Variants in GLI4 observed in about 807,000 individuals in gnomAD.
GLI4 encodes zinc finger protein GLI4.
A neutral mutation model predicts 30.9 loss-of-function variants in GLI4; 34 were observed. The observed-to-expected ratio is 1.10, with a 90% CI of 0.84 to 1.47. The LOEUF (loss-of-function observed/expected upper bound fraction) is 1.47. Among genes scored for constraint, GLI4 ranks in the 40% most tolerant of loss-of-function variants. GLI4 has a pLI of 0.00. For synonymous variants in GLI4, 277 were observed against 236.7 expected (o/e 1.17, Z -1.56); for missense variants, 696 against 538.9 (o/e 1.29, Z -2.89).
chr8:143,273,959 T>G (rs1188192916), intron 2 of GLI4, among the ~76,000 whole-genome samples: 1 of 151,868 alleles, frequency 6.6e-6, no homozygotes, highest in Non-Finnish European at 1.5e-5. Context: ...TGAGGAGAGC[T>G]GACCACTGGC....
At chr8:143,270,395 G>A (rs755505659) in intron 2 of GLI4, among the ~76,000 whole-genome samples, 58 of 152,226 alleles carry the variant, frequency 3.8e-4, no homozygotes, top group Non-Finnish European at 7.8e-4. Context: ...GAGGAGCAGG[G>A]AGCCAGGCAG....
chr8:143,276,356 AG>A lies in GLI4; in HGVS notation c.684del (p.Gln228HisfsTer189). 1 of 1,608,684 alleles carries A rather than the reference AG, an allele frequency of 6.2e-7. No homozygotes were observed. Among genetic ancestry groups the A allele is most frequent in the Non-Finnish European group, 8.5e-7 (1 of 1,178,426 alleles). ...TTCCGCGGCTGGTCGGGCTTCATCC[AG>A]CACCACCGCATCCACACGGGCGAGA... ...KRFRGWSGFI[Q>X]HHRIHTGEKP... On this transcript the variant is annotated frameshift_variant, in exon 4 of 4. Coordinates refer to ENST00000340042, the MANE Select transcript of GLI4 (RefSeq NM_138465.4). LOFTEE classifies it high-confidence loss of function.
intron 3 of GLI4, chr8:143,275,313 G>A (rs1401193195): frequency 1.4e-6 from 2 of 1,446,178 alleles, no homozygotes; most frequent in Middle Eastern, 1.8e-4. Context: ...ACAGTGCTGA[G>A]CCCTCGCCCA....
At position 143,276,068 on chromosome 8, in the gene GLI4, G is replaced by C; in HGVS notation, c.395G>C (p.Gly132Ala). 1 of 1,401,744 alleles carries C rather than the reference G, an allele frequency of 7.1e-7. No individual in the cohort carries two copies. Among genetic ancestry groups the C allele is most frequent in the South Asian group, 1.6e-5 (1 of 61,750 alleles). The allele number at this position is 1,401,744 out of a possible 1,614,324, so 86.8% of individuals were successfully genotyped here. ...GAGCGGCCGGCGGGCCAGCCGCCTG[G>C]GGCCGTCCCTTGCGCCCAGCCGCGG... is the stretch of plus-strand genomic sequence containing the variant. ...SAERPAGQPP[G>A]AVPCAQPRGA... Residue 132 changes from glycine to alanine, a missense_variant, in exon 4 of 4, where the codon GGG (glycine) becomes GCG (alanine). Transcript: ENST00000340042.
In GLI4 at chr8:143,276,132, CGGGCCCGAGGGTGCGCCCG is replaced by C. The variant is rs1815381272; in HGVS notation, c.460_478del (p.Gly154SerfsTer40). On this transcript the variant is annotated frameshift_variant, in exon 4 of 4. Coordinates refer to ENST00000340042, the MANE Select transcript of GLI4 (RefSeq NM_138465.4). LOFTEE classifies it high-confidence loss of function. The stretch of plus-strand genomic sequence containing the variant: ...TGACGCTCGTGCAGCAAGCAGCGGC[CGGGCCCGAGGGTGCGCCCG>C]AGCGGGCTGCCGAGCTGGGAGTCAA... The C allele has an allele frequency of 1.3e-6, 2 of 1,533,734 alleles. No homozygotes were observed. The highest frequency in any genetic ancestry group is 2.8e-5 in the African/African-American group (2 of 71,614).
intron 2 of GLI4, 74 bp downstream of exon 2, chr8:143,269,594 G>C (rs1815221159): frequency 4.7e-6 from 6 of 1,272,276 alleles, no homozygotes; most frequent in South Asian, 1.2e-5. Flanking sequence ...GTCTCCTCCT[G>C]ACCTGCCACG....
chr8:143,271,401 G>C (rs956201192), intron 2 of GLI4, among the ~76,000 whole-genome samples: 6 of 152,232 alleles, frequency 3.9e-5, no homozygotes, highest in African/African-American at 1.4e-4. Context: ...GCAATGGGCA[G>C]CTACTGTCCC....
At position 143,276,278 on chromosome 8, in the gene GLI4, A is replaced by G; in HGVS notation, c.605A>G (p.Gln202Arg). 6.2e-7 allele frequency: 1 copy of G among 1,612,268 alleles called. No homozygotes were observed. The highest frequency in any genetic ancestry group is 8.5e-7 in the Non-Finnish European group (1 of 1,179,634). Reference sequence around the variant, plus strand: ...TATAACTCGCTGCTCCTGAAGCACCAGCGCATCCACACGGGCGAGAAGCCC... The same window carrying G: ...TATAACTCGCTGCTCCTGAAGCACCGGCGCATCCACACGGGCGAGAAGCCC... Reference protein sequence around the residue: ...FKYNSLLLKHQRIHTGEKPYA... With the variant: ...FKYNSLLLKHRRIHTGEKPYA... The change falls in exon 4 of 4, where the codon CAG becomes CGG. Residue 202 changes from glutamine to arginine, a missense_variant. Transcript: ENST00000340042.
rs1815363316 is a variant in GLI4, at chr8:143,275,479, G to C, written c.224-418G>C. On this transcript the variant is annotated intron_variant, in intron 3 of 3. Transcript: ENST00000340042. Reference sequence around the variant, plus strand: ...GAGGCCTGGGGCAGCCCCATGAGGAGCTGTGCCCATATGGACCACATCCTC... The same window carrying C: ...GAGGCCTGGGGCAGCCCCATGAGGACCTGTGCCCATATGGACCACATCCTC... 3 of 1,347,600 alleles carry C rather than the reference G, an allele frequency of 2.2e-6. No individual in the cohort carries two copies. In the East Asian group the frequency reaches 8.6e-5, roughly 38 times the overall value. The allele number at this position is 1,347,600 out of a possible 1,614,324, so 83.5% of individuals were successfully genotyped here.
At chr8:143,267,561 C>T (rs1168283572) in intron 1 of GLI4, 77 bp downstream of exon 1, 19 of 985,280 alleles carry the variant, frequency 1.9e-5, no homozygotes, top group Middle Eastern at 5.2e-4. Flanking sequence ...CCGTACTCCG[C>T]GGTGCAGCCC....
intron 1 of GLI4, among the ~76,000 whole-genome samples, 158 bp from the exon 2 acceptor site, chr8:143,269,202 G>A (rs1330098220): frequency 6.6e-6 from 1 of 152,020 alleles, no homozygotes; most frequent in Non-Finnish European, 1.5e-5. Context: ...CTCACCCCAG[G>A]CCTATGTGTC....
Position 143,276,869 on chromosome 8 carries a change from C to A in GLI4, c.*65C>A, listed in dbSNP as rs1440264710. 3.9e-6 allele frequency: 4 copies of A among 1,031,692 alleles called. No individual in the cohort carries two copies. The highest frequency in any genetic ancestry group is 5.4e-5 in the Admixed American group (2 of 37,158). The allele number at this position is 1,031,692 out of a possible 1,614,324, so 63.9% of individuals were successfully genotyped here. A position where few individuals can be genotyped will look rare whatever the true frequency, so the allele number is the denominator to read the frequency against. On this transcript the variant is annotated 3_prime_UTR_variant, in exon 4 of 4. Coordinates refer to ENST00000340042, the MANE Select transcript of GLI4 (RefSeq NM_138465.4). ...AACCCACCCTCCACCCCGTCCCCCA[C>A]GGTGGGCACTGCCCAGCACCGCATG...
At chr8:143,271,623 AC>A (rs1815269571) in intron 2 of GLI4, among the ~76,000 whole-genome samples, 1 of 152,116 alleles carries the variant, frequency 6.6e-6, no homozygotes, top group Non-Finnish European at 1.5e-5. Flanking sequence ...AGTGGGCCAG[AC>A]CGAGGTTCCT....
In GLI4 at chr8:143,273,769, A is replaced by G. The variant is rs535846504; in HGVS notation, c.125-935A>G. On this transcript the variant is annotated intron_variant, in intron 2 of 3. Coordinates refer to ENST00000340042, the MANE Select transcript of GLI4 (RefSeq NM_138465.4). ...GCTGGGGACACCCAGATTCGGCCTC[A>G]CGGGGCTAAGAGACACACCCGTCCT... Among the ~76,000 whole-genome samples the G allele has an allele frequency of 1.7e-3, 257 of 152,296 alleles. 1 individual carries two copies. Among genetic ancestry groups the G allele is most frequent in the Non-Finnish European group, 2.9e-3 (199 of 68,018 alleles).
At position 143,276,468 on chromosome 8, in the gene GLI4, G is replaced by A; in HGVS notation, c.795G>A (p.Lys265=). The A allele has an allele frequency of 1.2e-6, 2 of 1,613,160 alleles. No individual in the cohort carries two copies. The highest frequency in any genetic ancestry group is 1.7e-6 in the Non-Finnish European group (2 of 1,179,856). ...TQHLRIHNGE[K]PYKCGECGQA... is the part of the protein sequence containing the mutation. ...ACCTGCGCATCCACAACGGCGAGAA[G>A]CCCTACAAGTGCGGCGAGTGCGGCC... Residue 265 remains lysine, a synonymous_variant, in exon 4 of 4, where the codon AAG becomes AAA. Coordinates refer to ENST00000340042, the MANE Select transcript of GLI4 (RefSeq NM_138465.4).
At chr8:143,270,690 T>G (rs1815248667) in intron 2 of GLI4, among the ~76,000 whole-genome samples, 3 of 152,148 alleles carry the variant, frequency 2.0e-5, no homozygotes, top group Non-Finnish European at 4.4e-5. Context: ...TGAGAGGAGT[T>G]CTCCTGTCCC....
At position 143,276,463 on chromosome 8, in the gene GLI4, G is replaced by T. The variant is rs745456153; in HGVS notation, c.790G>T (p.Glu264Ter). The change falls in exon 4 of 4, where the codon GAG becomes TAG. Residue 264 changes from glutamate (E) to a stop codon, truncating the protein, a stop_gained. Transcript: ENST00000340042. LOFTEE classifies it high-confidence loss of function. The part of the protein sequence containing the change: ...FTQHLRIHNG[E>*]KPYKCGECGQ... ...GCAGCACCTGCGCATCCACAACGGC[G>T]AGAAGCCCTACAAGTGCGGCGAGTG... The T allele has an allele frequency of 1.2e-6, 2 of 1,613,092 alleles. No homozygotes were observed. Among genetic ancestry groups the T allele is most frequent in the South Asian group, 2.2e-5 (2 of 91,056 alleles).
chr8:143,273,733 G>A (rs2129681494), intron 2 of GLI4, among the ~76,000 whole-genome samples: 1 of 152,354 alleles, frequency 6.6e-6, no homozygotes, highest in East Asian at 1.9e-4. Flanking sequence ...GCCCATCTCT[G>A]CATTGTCATT....
Position 143,269,353 on chromosome 8 carries a change from T to C in GLI4, c.-37-7T>C, listed in dbSNP as rs755750676. The C allele has an allele frequency of 6.3e-7, 1 of 1,593,546 alleles. No individual in the cohort carries two copies. The highest frequency in any genetic ancestry group is 2.2e-5 in the East Asian group (1 of 44,570). ...CCCTCATCTGCCATGGTTTTCATTT[T>C]CCCCAGGTCCCAGGTGTGACACCTT... On this transcript the variant is annotated splice_region_variant and splice_polypyrimidine_tract_variant and intron_variant, in intron 1 of 3. Transcript: ENST00000340042.
Sources: allele counts gnomAD v4.1 joint callset (sites outside exome capture counted in the v4.1 genomes callset), GRCh38; gene constraint gnomAD v4.1.1; transcripts MANE v1.5; gene names NCBI Gene and HGNC (gene_info 2026-07-23, HGNC 2026-07-21).